Variants in PI4KA observed in about 807,000 individuals in gnomAD.
The protein encoded by PI4KA is phosphatidylinositol 4-kinase alpha.
A neutral mutation model predicts 271.4 loss-of-function variants in PI4KA; 122 were observed. That is an observed-to-expected ratio of 0.45 (90% CI 0.39 to 0.52). PI4KA has a LOEUF of 0.52. Ranked by LOEUF, PI4KA falls within the 20% of genes least tolerant of loss-of-function variation. The pLI, the probability that PI4KA is intolerant of heterozygous loss-of-function variation, is 0.00. For missense variants in PI4KA, 1,969 were observed against 2,769.1 expected, an observed-to-expected ratio of 0.71 and a Z score of 6.48; for synonymous variants, 1,041 against 1,078.8, an observed-to-expected ratio of 0.96 and a Z score of 0.69.
chr22:20,796,398 G>T, intron 17 of PI4KA, 84 bp from the exon 18 acceptor site: 1 of 1,353,812 alleles, frequency 7.4e-7, no homozygotes, highest in Admixed American at 2.0e-5. Context: ...GAGGCGAGCT[G>T]AGCGGGCCAG....
chr22:20,783,915 G>C, intron 19 of PI4KA: 1 of 1,610,028 alleles, frequency 6.2e-7, no homozygotes, highest in Non-Finnish European at 8.5e-7. Context: ...TCTCAAGGGT[G>C]AGACGATTTC....
intron 43 of PI4KA, among the ~76,000 whole-genome samples, chr22:20,720,950 C>G (rs1008611382): frequency 1.4e-4 from 22 of 152,358 alleles, no homozygotes; most frequent in African/African-American, 5.1e-4. Context: ...GGTCCTGAGG[C>G]TGTGCTATTT....
intron 31 of PI4KA, 99 bp from the exon 32 acceptor site, chr22:20,742,454 T>C: frequency 1.9e-6 from 3 of 1,564,032 alleles, no homozygotes; most frequent in Non-Finnish European, 2.6e-6. Flanking sequence ...GGGCCAGTGA[T>C]GGCCTTTTAT....
intron 19 of PI4KA, among the ~76,000 whole-genome samples, chr22:20,768,873 T>C (rs1323880145): frequency 1.3e-5 from 2 of 152,126 alleles, no homozygotes; most frequent in Admixed American, 1.3e-4. Flanking sequence ...AAAAGGACAG[T>C]TGACAAGGGG....
At position 20,834,593 on chromosome 22, in the gene PI4KA, C is replaced by G; in HGVS notation, c.336G>C (p.Trp112Cys). ...CTTTCCGAGCTGTGCTTTCTTCTAC[C>G]CAATACACTTTTGGAAGACCTTTGA... ...RLLKGLPKVY[W>C]VEESTARKGR... The change falls in exon 3 of 55, where the codon TGG (tryptophan) becomes TGC (cysteine). Residue 112 changes from tryptophan to cysteine, a missense_variant. Trp to Cys is a radical substitution (Grantham distance 215, BLOSUM62 -2). This residue lies in a region of PI4KA where 540 missense variants were observed against 555.5 expected (regional missense o/e 0.97). Coordinates refer to ENST00000255882, the MANE Select transcript of PI4KA (RefSeq NM_058004.4). The G allele has an allele frequency of 1.9e-6, 3 of 1,610,188 alleles. No homozygotes were observed. The highest frequency in any genetic ancestry group is 2.2e-5 in the South Asian group (2 of 90,976).
At chr22:20,827,149 T>C (rs192852729) in intron 3 of PI4KA, among the ~76,000 whole-genome samples, 34 of 152,360 alleles carry the variant, frequency 2.2e-4, no homozygotes, top group Admixed American at 5.2e-4. Flanking sequence ...TCCAGAGTGG[T>C]ATTTCCTAGT....
intron 16 of PI4KA, 94 bp downstream of exon 16, chr22:20,798,999 G>T (rs955277617): frequency 9.9e-7 from 1 of 1,014,124 alleles, no homozygotes. Flanking sequence ...TCATCTGCAA[G>T]GTATATTTAA....
chr22:20,801,934 G>C (rs753175316), intron 14 of PI4KA, 39 bp downstream of exon 14: 1 of 1,606,190 alleles, frequency 6.2e-7, no homozygotes, highest in Admixed American at 1.7e-5. Context: ...CGCTTGTCTG[G>C]AGCACTGCTG....
At chr22:20,853,604 G>C (rs165888) in intron 1 of PI4KA, among the ~76,000 whole-genome samples, 48,007 of 152,076 alleles carry the variant, frequency 0.32, 7,809 homozygotes, top group East Asian at 0.43. Context: ...GGGCTTCACA[G>C]ACAGAGTGTC....
At position 20,712,808 on chromosome 22, in the gene PI4KA, G is replaced by A. The variant is rs1477657654; in HGVS notation, c.5572-11C>T. 3.7e-5 allele frequency: 57 copies of A among 1,550,448 alleles called. No individual in the cohort carries two copies. Among genetic ancestry groups the A allele is most frequent in the African/African-American group, 6.8e-5 (5 of 73,182 alleles). ...CAGGGCCAGCATGTCCTGGGAAGCCGGGAGGCGCAGGATGCGGTCAGTTGG... is the reference window on the plus strand; with the variant it reads ...CAGGGCCAGCATGTCCTGGGAAGCCAGGAGGCGCAGGATGCGGTCAGTTGG... On this transcript the variant is annotated splice_polypyrimidine_tract_variant and intron_variant, in intron 48 of 54. Coordinates refer to ENST00000255882, the MANE Select transcript of PI4KA (RefSeq NM_058004.4).
At position 20,765,636 on chromosome 22, in the gene PI4KA, G is replaced by A. The variant is rs777006911; in HGVS notation, c.2386C>T (p.Arg796Ter). 5.6e-6 allele frequency: 9 copies of A among 1,611,420 alleles called. No homozygotes were observed. Among genetic ancestry groups the A allele is most frequent in the East Asian group, 4.5e-5 (2 of 44,788 alleles). ...AGAACGGAATACAGCCAGAAGTCTC[G>A]GAAGAGCTTCTGTAACCGAGGCTTA... is the stretch of plus-strand genomic sequence containing the variant. ...EAKPRLQKLFRDFWLYSVLMG... is the reference protein window; with the variant it reads ...EAKPRLQKLF The change falls in exon 20 of 55, where the codon CGA becomes TGA. Residue 796 changes from arginine to a stop codon, truncating the protein, a stop_gained. Coordinates refer to ENST00000255882, the MANE Select transcript of PI4KA (RefSeq NM_058004.4). LOFTEE classifies it high-confidence loss of function.
At chr22:20,748,733 C>A (rs893475929) in intron 28 of PI4KA, among the ~76,000 whole-genome samples, 1 of 152,174 alleles carries the variant, frequency 6.6e-6, no homozygotes, top group Admixed American at 6.5e-5. Context: ...AGAAACCCAT[C>A]CTTGGACACT....
At chr22:20,774,511 C>A (rs915324961) in intron 19 of PI4KA, among the ~76,000 whole-genome samples, 1 of 152,068 alleles carries the variant, frequency 6.6e-6, no homozygotes, top group African/African-American at 2.4e-5. Flanking sequence ...GCCTGTAATC[C>A]CAACACTTTG....
At chr22:20,819,946 T>TA (rs776522028) in intron 5 of PI4KA, 46 bp from the exon 6 acceptor site, 1 of 1,490,382 alleles carries the variant, frequency 6.7e-7, no homozygotes, top group Middle Eastern at 1.8e-4. Context: ...AGTATCCTGA[T>TA]AGAGTCATAT....
chr22:20,843,097 CA>C (rs361761), intron 1 of PI4KA, among the ~76,000 whole-genome samples: 88 of 113,848 alleles, frequency 7.7e-4, no homozygotes, highest in East Asian at 1.5e-3. Context: ...GACTCCGTCT[CA>C]AAAAAAAAAA....
intron 36 of PI4KA, 87 bp from the exon 37 acceptor site, chr22:20,730,098 A>G (rs1927839653): frequency 6.8e-7 from 1 of 1,471,944 alleles, no homozygotes; most frequent in Non-Finnish European, 9.3e-7. Flanking sequence ...CCAGAGATAA[A>G]GCAATTAGTG....
intron 23 of PI4KA, among the ~76,000 whole-genome samples, chr22:20,761,076 G>A (rs1404886364): frequency 6.6e-6 from 1 of 152,220 alleles, no homozygotes; most frequent in Non-Finnish European, 1.5e-5. Context: ...GCACACTTGA[G>A]CATAGATAGT....
chr22:20,717,835 G>T, intron 44 of PI4KA, 57 bp from the exon 45 acceptor site: 7 of 1,288,524 alleles, frequency 5.4e-6, no homozygotes, highest in Non-Finnish European at 6.6e-6. Flanking sequence ...GCTGCTGGGG[G>T]ACAGCCCAGG....
chr22:20,761,863 G>T (rs1019586559), intron 22 of PI4KA, among the ~76,000 whole-genome samples: 2 of 151,848 alleles, frequency 1.3e-5, no homozygotes, highest in Non-Finnish European at 2.9e-5. Flanking sequence ...TTTCCTAAAG[G>T]TCTGTCTTTG....
Sources: allele counts gnomAD v4.1 joint callset (sites outside exome capture counted in the v4.1 genomes callset), GRCh38; gene constraint gnomAD v4.1.1; regional missense constraint gnomAD v4.1.1; transcripts MANE v1.5; gene names NCBI Gene and HGNC (gene_info 2026-07-23, HGNC 2026-07-21).